DCAF5: variants seen among roughly 807,000 people sequenced by gnomAD.
DCAF5 encodes DDB1 and CUL4 associated factor 5, also known as DDB1- and CUL4-associated factor 5.
DCAF5 carries 9 observed loss-of-function variants against 80.7 expected under a neutral mutation model. That is an observed-to-expected ratio of 0.11 (90% CI 0.07 to 0.19). DCAF5 has a LOEUF of 0.19. DCAF5 is among the 10% of genes least tolerant of loss of function. The probability of loss-of-function intolerance (pLI) is 1.00; values close to 1 mark genes in which losing one functional copy is unlikely to be tolerated. For missense variants in DCAF5, 842 were observed against 1,205.7 expected, an observed-to-expected ratio of 0.70 and a Z score of 4.47; for synonymous variants, 433 against 461.9, an observed-to-expected ratio of 0.94 and a Z score of 0.80.
intron 6 of DCAF5, among the ~76,000 whole-genome samples, chr14:69,082,784 T>C (rs2039165032): frequency 6.6e-6 from 1 of 152,196 alleles, no homozygotes; most frequent in Non-Finnish European, 1.5e-5. Context: ...AGTAACATTA[T>C]TTTTTCTCCA....
At position 69,152,712 on chromosome 14, in the gene DCAF5, G is replaced by T; in HGVS notation, c.214+53C>A. 2.1e-6 allele frequency: 3 copies of T among 1,398,334 alleles called. No individual in the cohort carries two copies. Among genetic ancestry groups the T allele is most frequent in the East Asian group, 2.4e-5 (1 of 42,100 alleles). 86.6% of individuals were successfully genotyped at this position (1,398,334 alleles called of 1,614,324 possible). ...GAGGGTGACGGGGGAGAGCGAGAGG[G>T]GGAGGCTGGGAGGGTGCGGGGAGGC... On this transcript the variant is annotated intron_variant, in intron 1 of 8. Coordinates refer to ENST00000341516, the MANE Select transcript of DCAF5 (RefSeq NM_003861.3). The surrounding 1 kb of genome is among the most constrained non-coding windows in gnomAD (Gnocchi z 4.1).
intron 5 of DCAF5, 23 bp downstream of exon 5, chr14:69,116,343 A>G: frequency 6.2e-7 from 1 of 1,602,574 alleles, no homozygotes. Context: ...AAGTTTTAAC[A>G]CCTATGAATA....
chr14:69,098,143 C>CTG (rs138371026), intron 5 of DCAF5, among the ~76,000 whole-genome samples: 1,327 of 70,552 alleles, frequency 0.019, 22 homozygotes, highest in African/African-American at 0.058. Context: ...CCTCCTAGGA[C>CTG]TCTCTTACCT....
intron 1 of DCAF5, among the ~76,000 whole-genome samples, chr14:69,151,228 C>T (rs1193470760): frequency 6.6e-6 from 1 of 152,106 alleles, no homozygotes; most frequent in African/African-American, 2.4e-5. Flanking sequence ...AGAGGATGAT[C>T]TAGGGCCAAA....
At chr14:69,136,716 G>A (rs2041207376) in intron 1 of DCAF5, among the ~76,000 whole-genome samples, 1 of 152,062 alleles carries the variant, frequency 6.6e-6, no homozygotes. Flanking sequence ...TGTCACAACT[G>A]GAAAGATGCT....
intron 1 of DCAF5, among the ~76,000 whole-genome samples, chr14:69,139,837 AAAAG>A (rs905815909): frequency 4.4e-4 from 67 of 151,360 alleles, no homozygotes; most frequent in South Asian, 4.2e-4. Flanking sequence ...AAAAAAAAAA[AAAAG>A]AAAGAAAAGG....
In DCAF5 at chr14:69,053,845, C is replaced by G; in HGVS notation, c.*12G>C. 1 of 1,577,176 alleles carries G rather than the reference C, an allele frequency of 6.3e-7. No individual in the cohort carries two copies. ...GCTACTTTTGTAGCTTTTTGTTTTC[C>G]CTTTGTATTTATCATGTTTTTAATT... is the stretch of plus-strand genomic sequence containing the variant. On this transcript the variant is annotated 3_prime_UTR_variant, in exon 9 of 9. Transcript: ENST00000341516.
intron 1 of DCAF5, among the ~76,000 whole-genome samples, chr14:69,138,023 GA>G (rs1172058193): frequency 6.6e-6 from 1 of 152,048 alleles, no homozygotes; most frequent in Admixed American, 6.6e-5. Flanking sequence ...GATGAGGGGG[GA>G]CTACTGTATG....
At chr14:69,076,733 A>G (rs2038914976) in intron 6 of DCAF5, among the ~76,000 whole-genome samples, 1 of 152,228 alleles carries the variant, frequency 6.6e-6, no homozygotes, top group Non-Finnish European at 1.5e-5. Flanking sequence ...GATTGTACTT[A>G]ATGCCACTGA....
At position 69,064,042 on chromosome 14, in the gene DCAF5, A is replaced by G. The variant is rs539703273; in HGVS notation, c.947-1531T>C. On this transcript the variant is annotated intron_variant, in intron 7 of 8. Coordinates refer to ENST00000341516, the MANE Select transcript of DCAF5 (RefSeq NM_003861.3). ...TGGATTTTTCATGGAGAAAGAGGAC[A>G]AGGAAAAGTTAGGCACTGATGTAGA... Among the ~76,000 whole-genome samples the G allele has an allele frequency of 1.5e-3, 227 of 152,322 alleles. 5 individuals carry two copies. The South Asian group carries it at 0.028, about 19-fold the overall frequency.
rs1186369773 is a variant in DCAF5, at chr14:69,091,881, G to C, written c.672C>G (p.Leu224=). 6.2e-7 allele frequency: 1 copy of C among 1,611,062 alleles called. No individual in the cohort carries two copies. Among genetic ancestry groups the C allele is most frequent in the Admixed American group, 1.7e-5 (1 of 59,360 alleles). The change falls in exon 6 of 9, where the codon CTC becomes CTG. Residue 224 remains leucine, a synonymous_variant. Transcript: ENST00000341516. ...GGGACAGGTTTCCACCATAGCGCAG[G>C]AGAGAACTGGAAGGCACAAGGCACA... The part of the protein sequence containing the change: ...LWDIRKPQSS[L]LRYGGNLSLQ...
intron 7 of DCAF5, among the ~76,000 whole-genome samples, chr14:69,062,724 C>T (rs994889666): frequency 6.6e-6 from 1 of 152,146 alleles, no homozygotes; most frequent in Admixed American, 6.5e-5. Flanking sequence ...TTTATTTAGC[C>T]TTTAAGCATT....
chr14:69,094,370 T>C (rs897061140), intron 5 of DCAF5, among the ~76,000 whole-genome samples: 3 of 152,182 alleles, frequency 2.0e-5, no homozygotes, highest in Non-Finnish European at 4.4e-5. Context: ...GATCACACTA[T>C]AGGAATTTGG....
intron 6 of DCAF5, among the ~76,000 whole-genome samples, chr14:69,087,906 A>AG (rs2039398090): frequency 6.6e-6 from 1 of 152,246 alleles, no homozygotes; most frequent in African/African-American, 2.4e-5. Context: ...TGAAGCACAG[A>AG]GGTTTCAAAC....
chr14:69,062,316 G>A (rs568408081), intron 8 of DCAF5, 68 bp downstream of exon 8: 54 of 1,549,562 alleles, frequency 3.5e-5, no homozygotes, highest in Non-Finnish European at 4.7e-5. Flanking sequence ...TACATAAATT[G>A]TTCTAGTTTC....
At chr14:69,128,753 G>C (rs1033289165) in intron 1 of DCAF5, among the ~76,000 whole-genome samples, 4 of 152,082 alleles carry the variant, frequency 2.6e-5, no homozygotes, top group Non-Finnish European at 5.9e-5. Flanking sequence ...GGGTAACAGA[G>C]CAAGACTCCA....
intron 8 of DCAF5, among the ~76,000 whole-genome samples, chr14:69,061,452 G>A (rs1029087274): frequency 4.6e-5 from 7 of 152,178 alleles, no homozygotes; most frequent in African/African-American, 1.7e-4. Context: ...TGGGCAGTGG[G>A]TCATCCTTCT....
intron 1 of DCAF5, among the ~76,000 whole-genome samples, chr14:69,128,240 G>A (rs900128228): frequency 6.7e-6 from 1 of 149,668 alleles, no homozygotes; most frequent in African/African-American, 2.5e-5. Context: ...AGGCCGGAGT[G>A]CAGTGGCATG....
At chr14:69,122,171 A>G in intron 2 of DCAF5, 46 bp downstream of exon 2, 2 of 1,587,312 alleles carry the variant, frequency 1.3e-6, no homozygotes, top group Non-Finnish European at 1.7e-6. Context: ...TTTTCTCTAA[A>G]ATCCCAACCA....
Sources: allele counts gnomAD v4.1 joint callset (sites outside exome capture counted in the v4.1 genomes callset), GRCh38; gene constraint gnomAD v4.1.1; non-coding constraint Gnocchi (gnomAD v3.1); transcripts MANE v1.5; gene names NCBI Gene and HGNC (gene_info 2026-07-23, HGNC 2026-07-21).